The following GABRA4 variants were observed in gnomAD, a reference collection of about 807,000 sequenced individuals.
GABRA4 encodes gamma-aminobutyric acid receptor subunit alpha-4.
In GABRA4, 12 loss-of-function variants were observed where a neutral mutation model predicts 49.7. That is an observed-to-expected ratio of 0.24 (90% CI 0.15 to 0.39). The LOEUF (loss-of-function observed/expected upper bound fraction) is 0.39. Ranked by LOEUF, GABRA4 falls within the 10% of genes least tolerant of loss-of-function variation. GABRA4 has a pLI of 1.00. For synonymous variants in GABRA4, 288 were observed against 240.2 expected (o/e 1.20, Z -1.84); for missense variants, 506 against 686.0 (o/e 0.74, Z 2.93).
At position 46,977,109 on chromosome 4, in the gene GABRA4, C is replaced by A; in HGVS notation, c.529G>T (p.Val177Leu). ...TISAECPMRL[V>L]DFPMDGHACP... Reference sequence around the variant, plus strand: ...GCATGACCATCCATGGGAAAATCCACCAATCTCATGGGACACTCCGCACTT... The same window carrying A: ...GCATGACCATCCATGGGAAAATCCAACAATCTCATGGGACACTCCGCACTT... The change falls in exon 5 of 9, where the codon GTG (valine) becomes TTG (leucine). Residue 177 changes from valine to leucine, a missense_variant. This residue lies in a region of GABRA4 where 195 missense variants were observed against 326.0 expected (regional missense o/e 0.60). Coordinates refer to ENST00000264318, the MANE Select transcript of GABRA4 (RefSeq NM_000809.4). 1 of 1,609,854 alleles carries A rather than the reference C, an allele frequency of 6.2e-7. No homozygotes were observed. Among genetic ancestry groups the A allele is most frequent in the Non-Finnish European group, 8.5e-7 (1 of 1,177,598 alleles).
intron 5 of GABRA4, among the ~76,000 whole-genome samples, chr4:46,976,675 GTATC>G (rs549601537): frequency 2.0e-5 from 3 of 151,360 alleles, no homozygotes; most frequent in Non-Finnish European, 2.9e-5. Flanking sequence ...ATCTATCTAT[GTATC>G]TATCTATCTA....
intron 8 of GABRA4, among the ~76,000 whole-genome samples, chr4:46,949,723 C>G (rs1257871991): frequency 2.0e-5 from 3 of 151,914 alleles, no homozygotes; most frequent in African/African-American, 7.3e-5. Flanking sequence ...AGGGATATTA[C>G]CTATTGCAAA....
chr4:46,933,646 G>A (rs1721515936), intron 8 of GABRA4, among the ~76,000 whole-genome samples: 1 of 152,054 alleles, frequency 6.6e-6, no homozygotes, highest in Non-Finnish European at 1.5e-5. Flanking sequence ...GATCTATCTG[G>A]CACACGACTC....
Position 46,974,308 on chromosome 4 carries a change from C to A in GABRA4, c.645G>T (p.Pro215=). 4 of 1,611,778 alleles carry A rather than the reference C, an allele frequency of 2.5e-6. No individual in the cohort carries two copies. Among genetic ancestry groups the A allele is most frequent in the Non-Finnish European group, 3.4e-6 (4 of 1,178,536 alleles). Residue 215 remains proline (P), a synonymous_variant, in exon 6 of 9, where the codon CCG becomes CCT. Coordinates refer to ENST00000264318, the MANE Select transcript of GABRA4 (RefSeq NM_000809.4). ...ATTGAACTAAGCTGGAAGACTCCTT[C>A]GGAACTTCAACTGATTTCTCAGGAC... ...TKGPEKSVEV[P]KESSSLVQYD...
chr4:46,962,591 G>T (rs1722616590), intron 8 of GABRA4, among the ~76,000 whole-genome samples: 1 of 151,768 alleles, frequency 6.6e-6, no homozygotes, highest in African/African-American at 2.4e-5. Flanking sequence ...ATTCTTCACA[G>T]AAATAGCAAA....
intron 8 of GABRA4, among the ~76,000 whole-genome samples, chr4:46,947,773 T>C (rs191902042): frequency 6.6e-6 from 1 of 152,186 alleles, no homozygotes; most frequent in East Asian, 1.9e-4. Context: ...AGCATGTGTT[T>C]CCCAGTTAAT....
chr4:46,978,105 T>G (rs1723209804), intron 3 of GABRA4, among the ~76,000 whole-genome samples: 2 of 152,036 alleles, frequency 1.3e-5, no homozygotes, highest in Non-Finnish European at 2.9e-5. Context: ...GGTTTCAAAT[T>G]ACTAGGAGCT....
intron 2 of GABRA4, among the ~76,000 whole-genome samples, chr4:46,992,361 T>C (rs961723349): frequency 2.6e-5 from 4 of 152,200 alleles, no homozygotes; most frequent in Non-Finnish European, 5.9e-5. Context: ...AGCAGGCAGC[T>C]TCATGCCCCA....
At chr4:46,946,391 G>C (rs1221078950) in intron 8 of GABRA4, among the ~76,000 whole-genome samples, 2 of 152,012 alleles carry the variant, frequency 1.3e-5, no homozygotes, top group African/African-American at 4.8e-5. Context: ...CATTTACTTG[G>C]AGGCTGTTGA....
chr4:46,952,938 C>A (rs1039803305), intron 8 of GABRA4, among the ~76,000 whole-genome samples: 1 of 151,978 alleles, frequency 6.6e-6, no homozygotes, highest in Non-Finnish European at 1.5e-5. Flanking sequence ...ATTGCTATCA[C>A]CAGCAACCAT....
At chr4:46,976,495 A>G (rs1723145307) in intron 5 of GABRA4, among the ~76,000 whole-genome samples, 1 of 151,356 alleles carries the variant, frequency 6.6e-6, no homozygotes, top group African/African-American at 2.4e-5. Flanking sequence ...ATAAGGCATT[A>G]TATTAACTCA....
In GABRA4 at chr4:46,928,497, G is replaced by A. The variant is rs777417558; in HGVS notation, c.1393C>T (p.Pro465Ser). ...GCAGATCCAACTGAAGCCTTTCGAG[G>A]CATATATCCAGTTCGGATAGAAGTA... ...SPTSIRTGYM[P>S]RKASVGSAST... Residue 465 changes from proline (P) to serine (S), a missense_variant, in exon 9 of 9, where the codon CCT (proline) becomes TCT (serine). This residue lies in a region of GABRA4 where 243 missense variants were observed against 210.8 expected (regional missense o/e 1.15). Transcript: ENST00000264318. 2.5e-5 allele frequency: 40 copies of A among 1,613,526 alleles called. No homozygotes were observed. In the South Asian group the frequency reaches 4.2e-4, roughly 17 times the overall value.
rs1449222727 is a variant in GABRA4, at chr4:46,926,682, T to C, written c.*1543A>G. ...ATTCACTCATCCATTCCAGAGCAGA[T>C]AGAGAGAAGCACAGAAGAAAATCTA... On this transcript the variant is annotated 3_prime_UTR_variant, in exon 9 of 9. Coordinates refer to ENST00000264318, the MANE Select transcript of GABRA4 (RefSeq NM_000809.4). 6.6e-6 allele frequency: 1 copy of C among 151,844 alleles called. No individual in the cohort carries two copies. The highest frequency in any genetic ancestry group is 1.5e-5 in the Non-Finnish European group (1 of 67,888). 9.4% of individuals were successfully genotyped at this position (151,844 alleles called of 1,614,324 possible).
In GABRA4 at chr4:46,971,541, C is replaced by T. The variant is rs1412398942; in HGVS notation, c.722-306G>A. 1.2e-4 allele frequency among the ~76,000 whole-genome samples: 18 copies of T among 151,430 alleles called. No individual in the cohort carries two copies. In the Admixed American group the frequency reaches 1.2e-3, roughly 10 times the overall value. Reference sequence around the variant, plus strand: ...GGTCTAATATTGCTAAGGCAATTAGCTTTCATTTTCAGCGTTTTTTAGAAA... The same window carrying T: ...GGTCTAATATTGCTAAGGCAATTAGTTTTCATTTTCAGCGTTTTTTAGAAA... On this transcript the variant is annotated intron_variant, in intron 6 of 8. Transcript: ENST00000264318.
intron 8 of GABRA4, among the ~76,000 whole-genome samples, chr4:46,937,995 A>C (rs533020157): frequency 6.6e-6 from 1 of 152,286 alleles, no homozygotes; most frequent in African/African-American, 2.4e-5. Flanking sequence ...TTTGGATTTC[A>C]AAGCATGCAT....
chr4:46,937,200 C>T (rs921178961), intron 8 of GABRA4, among the ~76,000 whole-genome samples: 28 of 152,112 alleles, frequency 1.8e-4, no homozygotes, highest in Admixed American at 9.8e-4. Flanking sequence ...CATGTGCGGA[C>T]GCAGTAAGAA....
intron 6 of GABRA4, 55 bp from the exon 7 acceptor site, chr4:46,971,290 T>C: frequency 4.7e-6 from 7 of 1,503,226 alleles, no homozygotes; most frequent in Non-Finnish European, 6.4e-6. Flanking sequence ...AATTAGTCAA[T>C]GGCTTCATAA....
intron 8 of GABRA4, among the ~76,000 whole-genome samples, chr4:46,934,926 A>G (rs1007042832): frequency 6.6e-6 from 1 of 152,192 alleles, no homozygotes; most frequent in African/African-American, 2.4e-5. Context: ...AACTGCTTTC[A>G]TCAATGCCGC....
rs901721422 is a variant in GABRA4 at position 46,920,739 on chromosome 4, G to A, written c.*7486C>T. On this transcript the variant is annotated 3_prime_UTR_variant, in exon 9 of 9. Transcript: ENST00000264318. ...GTTATATCTTATAGCAACTAGATTT[G>A]CATGGGATAAGTAAAAGTAATGAAA... 4 of 151,584 alleles carry A rather than the reference G, an allele frequency of 2.6e-5. No individual in the cohort carries two copies. The highest frequency in any genetic ancestry group is 5.9e-5 in the Non-Finnish European group (4 of 67,732). The allele number at this position is 151,584 out of a possible 1,614,324, so 9.4% of individuals were successfully genotyped here. A position where few individuals can be genotyped will look rare whatever the true frequency, so the allele number is the denominator to read the frequency against.
Sources: gnomAD v4.1 joint callset for allele counts (sites outside exome capture counted in the v4.1 genomes callset) on GRCh38, gnomAD v4.1.1 for gene constraint, gnomAD v4.1.1 regional missense constraint, MANE v1.5 for transcripts, NCBI Gene and HGNC (gene_info 2026-07-23, HGNC 2026-07-21) for gene names.